The following WRN variants were observed in gnomAD, a reference collection of about 807,000 sequenced individuals.
WRN encodes WRN RecQ like helicase.
Under a neutral mutation model 180.7 loss-of-function variants are expected in WRN, and 149 were observed. That is an observed-to-expected ratio of 0.82 (90% CI 0.72 to 0.94). The LOEUF (loss-of-function observed/expected upper bound fraction) is 0.94. Ranked by LOEUF, WRN falls within the 40% of genes least tolerant of loss-of-function variation. The pLI is 0.00. For synonymous variants in WRN, 548 were observed against 568.9 expected, an observed-to-expected ratio of 0.96 and a Z score of 0.52; for missense variants, 1,661 against 1,700.1, an observed-to-expected ratio of 0.98 and a Z score of 0.40.
At chr8:31,074,413 G>C (rs184380343) in intron 7 of WRN, among the ~76,000 whole-genome samples, 9 of 152,286 alleles carry the variant, frequency 5.9e-5, no homozygotes, top group Non-Finnish European at 1.0e-4. Context: ...AAAGTGGGAA[G>C]ACGTAATTCT....
intron 10 of WRN, among the ~76,000 whole-genome samples, chr8:31,084,409 CT>C (rs1023753612): frequency 6.6e-6 from 1 of 151,900 alleles, no homozygotes; most frequent in Non-Finnish European, 1.5e-5. Context: ...AGTAAAATAA[CT>C]TTTTTTTAAA....
chr8:31,146,020 T>C (rs1802843295), intron 28 of WRN, among the ~76,000 whole-genome samples: 2 of 151,780 alleles, frequency 1.3e-5, no homozygotes, highest in South Asian at 2.1e-4. Context: ...AAAAAGTTAA[T>C]TGGAAATTAG....
intron 16 of WRN, among the ~76,000 whole-genome samples, chr8:31,092,436 A>ATT (rs1327373031): frequency 9.3e-6 from 1 of 107,688 alleles, no homozygotes; most frequent in Non-Finnish European, 2.2e-5. Flanking sequence ...ACACACACCC[A>ATT]TTTTGTGTGT....
At chr8:31,064,046 T>C (rs1200455389) in intron 3 of WRN, among the ~76,000 whole-genome samples, 1 of 152,172 alleles carries the variant, frequency 6.6e-6, no homozygotes, top group Non-Finnish European at 1.5e-5. Flanking sequence ...TATTGGTCAT[T>C]TGGATTTTCT....
intron 12 of WRN, among the ~76,000 whole-genome samples, chr8:31,088,465 A>G (rs2130160922): frequency 1.3e-5 from 2 of 152,304 alleles, no homozygotes; most frequent in South Asian, 4.1e-4. Flanking sequence ...AACTACATTT[A>G]GCTTTAGGTA....
At chr8:31,048,280 A>G (rs1335249664) in intron 1 of WRN, among the ~76,000 whole-genome samples, 1 of 152,212 alleles carries the variant, frequency 6.6e-6, no homozygotes, top group Non-Finnish European at 1.5e-5. Context: ...GCAGAAATGT[A>G]GTAATAGATT....
Position 31,124,973 on chromosome 8 carries a change from A to G in WRN, c.2798A>G (p.Glu933Gly). Residue 933 changes from glutamate (E) to glycine (G), a missense_variant, in exon 23 of 35, where the codon GAA becomes GGA. By Grantham distance (98) the Glu-to-Gly change is moderately conservative. This residue lies in a region of WRN where 1,141 missense variants were observed against 1,149.4 expected (regional missense o/e 0.99). Transcript: ENST00000298139. ...GCCTCCTTGGGAATTATGGGAACTG[A>G]AAAATGCTGTGATAATTGCAGGTCC... is the stretch of plus-strand genomic sequence containing the variant. ...QKASLGIMGT[E>G]KCCDNCRSRL... 1 of 1,613,126 alleles carries G rather than the reference A, an allele frequency of 6.2e-7. No homozygotes were observed. The highest frequency in any genetic ancestry group is 8.5e-7 in the Non-Finnish European group (1 of 1,179,404).
chr8:31,147,598 C>A (rs2130442039), intron 30 of WRN, 122 bp downstream of exon 30: 3 of 880,188 alleles, frequency 3.4e-6, no homozygotes, highest in Middle Eastern at 5.4e-4. Flanking sequence ...GACTCAGATT[C>A]CCCCTGCTGC....
At chr8:31,049,210 C>CGAAA (rs1811990546) in intron 1 of WRN, among the ~76,000 whole-genome samples, 1 of 31,780 alleles carries the variant, frequency 3.1e-5, no homozygotes, top group Non-Finnish European at 5.0e-5. Context: ...GACTCTGTCT[C>CGAAA]AAAAAAAAAA....
At chr8:31,130,417 C>T (rs1228108529) in intron 23 of WRN, among the ~76,000 whole-genome samples, 1 of 152,092 alleles carries the variant, frequency 6.6e-6, no homozygotes, top group Non-Finnish European at 1.5e-5. Context: ...GGTAGTTGAA[C>T]TCTATAGTAG....
intron 33 of WRN, 84 bp downstream of exon 33, chr8:31,157,614 A>C (rs570288671): frequency 1.3e-6 from 2 of 1,535,232 alleles, no homozygotes; most frequent in East Asian, 4.6e-5. Context: ...TGTTAACAGC[A>C]TTAATCCTTT....
chr8:31,149,336 G>T (rs1394296117), intron 30 of WRN, among the ~76,000 whole-genome samples: 1 of 151,234 alleles, frequency 6.6e-6, no homozygotes, highest in East Asian at 2.0e-4. Context: ...GGCGGAGCTT[G>T]CAGTGAGCGG....
rs573352508 is a variant in WRN, at chr8:31,065,751, A to G, written c.504+688A>G. Among the ~76,000 whole-genome samples the G allele has an allele frequency of 7.8e-4, 119 of 152,244 alleles. 2 individuals are homozygous for G. Among genetic ancestry groups the G allele is most frequent in the African/African-American group, 2.8e-3 (118 of 41,562 alleles). The stretch of plus-strand genomic sequence containing the variant: ...GAATGATTTATATTCCTTTTGGTAT[A>G]TACCCAGTAATGGGATTGCTGGGGC... On this transcript the variant is annotated intron_variant, in intron 5 of 34. Coordinates refer to ENST00000298139, the MANE Select transcript of WRN (RefSeq NM_000553.6).
In WRN at chr8:31,064,828, T is replaced by C. The variant is rs1304364229; in HGVS notation, c.356-87T>C. ...TTAAAATTACTGTTAAATACAAATT[T>C]ACACATAAACATGGTATGTATAAGA... On this transcript the variant is annotated intron_variant, in intron 4 of 34. Transcript: ENST00000298139. The C allele has an allele frequency of 2.1e-6, 3 of 1,451,818 alleles. No individual in the cohort carries two copies. The African/African-American group carries it at 4.3e-5, about 21-fold the overall frequency. The allele number at this position is 1,451,818 out of a possible 1,614,324, so 89.9% of individuals were successfully genotyped here. A position where few individuals can be genotyped will look rare whatever the true frequency, so the allele number is the denominator to read the frequency against.
At chr8:31,079,528 C>T (rs182201641) in intron 8 of WRN, among the ~76,000 whole-genome samples, 1 of 152,332 alleles carries the variant, frequency 6.6e-6, no homozygotes, top group Admixed American at 6.5e-5. Context: ...CCTCATTTTA[C>T]ACTCTAGCAG....
rs956768395 is a variant in WRN, at chr8:31,143,741, CAT to C, written c.3383+120_3383+121del. The C allele has an allele frequency of 2.0e-4, 142 of 713,076 alleles. No individual in the cohort carries two copies. In the African/African-American group the frequency reaches 2.3e-3, roughly 11 times the overall value. The allele number at this position is 713,076 out of a possible 1,614,324, so 44.2% of individuals were successfully genotyped here. ...TGGCAAAAGGAAGTTAAATTTAAAA[CAT>C]AAGCTTTTCAGTATTAGAATGATCA... On this transcript the variant is annotated intron_variant, in intron 28 of 34. Transcript: ENST00000298139.
intron 32 of WRN, among the ~76,000 whole-genome samples, chr8:31,155,574 A>G (rs957443583): frequency 4.1e-5 from 6 of 145,130 alleles, no homozygotes; most frequent in African/African-American, 1.5e-4. Context: ...GTGAGCTGAG[A>G]TTGCGACACT....
At position 31,155,153 on chromosome 8, in the gene WRN, G is replaced by T. The variant is rs530153827; in HGVS notation, c.3819+398G>T. On this transcript the variant is annotated intron_variant, in intron 32 of 34. Transcript: ENST00000298139. ...AACAGAAAAACAAACGTAAACGTGT[G>T]TGCATATGCATGCTTATATAGTCAC... Among the ~76,000 whole-genome samples, 386 of 152,308 alleles carry T rather than the reference G, an allele frequency of 2.5e-3. 1 individual carries two copies. Among genetic ancestry groups the T allele is most frequent in the Middle Eastern group, 0.01 (3 of 294 alleles).
At chr8:31,076,415 C>A (rs2130096324) in intron 8 of WRN, 128 bp downstream of exon 8, 1 of 716,426 alleles carries the variant, frequency 1.4e-6, no homozygotes, top group Non-Finnish European at 2.4e-6. Flanking sequence ...TACACACACA[C>A]AGACTGATGC....
Sources: allele counts gnomAD v4.1 joint callset (sites outside exome capture counted in the v4.1 genomes callset), GRCh38; gene constraint gnomAD v4.1.1; regional missense constraint gnomAD v4.1.1; transcripts MANE v1.5; gene names NCBI Gene and HGNC (gene_info 2026-07-23, HGNC 2026-07-21).